PRSS23: variants seen among roughly 807,000 people sequenced by gnomAD.
The protein encoded by PRSS23 is protease, serine 23.
A neutral mutation model predicts 34.7 loss-of-function variants in PRSS23; 25 were observed. The ratio of observed to expected loss-of-function variants is 0.72; its 90% CI spans 0.53 to 1.01. The LOEUF is 1.01. Among genes scored for constraint, PRSS23 ranks in the 50% least tolerant of loss-of-function variants. The pLI is 0.00. For synonymous variants in PRSS23, 176 were observed against 186.6 expected (o/e 0.94, Z 0.46); for missense variants, 445 against 475.6 (o/e 0.94, Z 0.60).
At chr11:86,939,099 C>T (rs2135024107) in intron 2 of PRSS23, 1 of 415,662 alleles carries the variant, frequency 2.4e-6, no homozygotes. Flanking sequence ...AATCATCAAT[C>T]AAGAGAAGAG....
intron 2 of PRSS23, among the ~76,000 whole-genome samples, chr11:86,903,422 C>T (rs1405337860): frequency 6.6e-6 from 1 of 152,068 alleles, no homozygotes; most frequent in South Asian, 2.1e-4. Flanking sequence ...ACAACCCAGC[C>T]CTATACAGTA....
intron 2 of PRSS23, among the ~76,000 whole-genome samples, chr11:86,825,951 C>G (rs1388727633): frequency 6.6e-6 from 1 of 152,150 alleles, no homozygotes; most frequent in Non-Finnish European, 1.5e-5. Flanking sequence ...TTAGGATTGA[C>G]TTGGCAATGC....
exon 3 of PRSS23, chr11:86,952,171 T>C (rs1949299623): frequency 6.2e-7 from 1 of 1,611,946 alleles, no homozygotes; most frequent in Admixed American, 1.7e-5. Flanking sequence ...TCAGGCTCCT[T>C]TTCACCCAGA....
chr11:86,830,555 G>A (rs941030138), intron 2 of PRSS23, among the ~76,000 whole-genome samples: 1 of 152,186 alleles, frequency 6.6e-6, no homozygotes, highest in Admixed American at 6.5e-5. Flanking sequence ...ACCTCAGATG[G>A]AAATGCAGAA....
rs191441975 is a variant in PRSS23 at position 86,827,398 on chromosome 11, G to A, written c.206+3805G>A. Among the ~76,000 whole-genome samples the A allele has an allele frequency of 2.5e-4, 38 of 151,916 alleles. No homozygotes were observed. The East Asian group carries it at 6.8e-3, about 27-fold the overall frequency. ...TTCTTCTCTCTTTTCTTCTTTATTA[G>A]TCTTGCTAGCAGTCTATCAATTTTG... On this transcript the variant is annotated intron_variant, in intron 2 of 2. Coordinates refer to the PRSS23 transcript ENST00000533902.
chr11:86,873,991 T>C (rs1403882952), intron 2 of PRSS23, among the ~76,000 whole-genome samples: 1 of 152,182 alleles, frequency 6.6e-6, no homozygotes, highest in African/African-American at 2.4e-5. Flanking sequence ...GTGCAAGACA[T>C]AGATTAGGGA....
At chr11:86,946,727 A>G (rs551459676) in intron 2 of PRSS23, 1 of 152,762 alleles carries the variant, frequency 6.5e-6, no homozygotes, top group Non-Finnish European at 1.5e-5. Context: ...CCCTGGAGGA[A>G]AAGTGATAAC....
chr11:86,919,600 G>A lies in PRSS23; in HGVS notation c.207-31616G>A, dbSNP rs557319674. 2.6e-5 allele frequency among the ~76,000 whole-genome samples: 4 copies of A among 152,324 alleles called. No homozygotes were observed. The East Asian group carries it at 7.7e-4, about 29-fold the overall frequency. The stretch of plus-strand genomic sequence containing the variant: ...AGAAAGTGGTCCTGCCAGTCTGAAA[G>A]TTAAGAGACTTGGTTTCTCATAATT... On this transcript the variant is annotated intron_variant, in intron 2 of 2. Coordinates refer to the PRSS23 transcript ENST00000533902.
intron 1 of PRSS23, among the ~76,000 whole-genome samples, chr11:86,820,270 A>G (rs909651166): frequency 2.0e-5 from 3 of 152,246 alleles, no homozygotes; most frequent in African/African-American, 2.4e-5. Context: ...GCAAGAGCCT[A>G]TGCAAATACA....
intron 2 of PRSS23, among the ~76,000 whole-genome samples, chr11:86,861,486 C>T (rs957949340): frequency 6.6e-6 from 1 of 151,774 alleles, no homozygotes. Flanking sequence ...GATATAATTC[C>T]CTATATCGCA....
At chr11:86,799,830 G>A (rs1948008622), upstream of PRSS23, among the ~76,000 whole-genome samples, 1 of 152,110 alleles carries the variant, frequency 6.6e-6, no homozygotes, top group African/African-American at 2.4e-5. Flanking sequence ...CCCAGCCACC[G>A]CCGCTCAGAA....
chr11:86,838,899 G>A (rs1948426594), intron 2 of PRSS23, among the ~76,000 whole-genome samples: 1 of 152,166 alleles, frequency 6.6e-6, no homozygotes, highest in Non-Finnish European at 1.5e-5. Flanking sequence ...CTGACTGTTA[G>A]AAGGAAAACT....
At position 86,881,668 on chromosome 11, in the gene PRSS23, G is replaced by A. The variant is rs143419957; in HGVS notation, c.206+58075G>A. 3.9e-4 allele frequency among the ~76,000 whole-genome samples: 59 copies of A among 152,124 alleles called. No homozygotes were observed. The Middle Eastern group carries it at 0.01, about 26-fold the overall frequency. On this transcript the variant is annotated intron_variant, in intron 2 of 2. Transcript: ENST00000533902. ...TTTTTTGAATAATGTGTGAAAAATT[G>A]GTGTTAATTCTTCTTTAAATGTTTG...
intron 2 of PRSS23, among the ~76,000 whole-genome samples, chr11:86,852,231 A>G (rs953479472): frequency 3.9e-5 from 6 of 152,146 alleles, no homozygotes; most frequent in African/African-American, 1.4e-4. Context: ...GAGCCTCCTG[A>G]TAGAGGTGAT....
At chr11:86,866,517 A>G (rs560068743) in intron 2 of PRSS23, among the ~76,000 whole-genome samples, 1 of 152,332 alleles carries the variant, frequency 6.6e-6, no homozygotes, top group Admixed American at 6.5e-5. Context: ...CTATTCATTC[A>G]TGAATCAACT....
chr11:86,925,697 T>G (rs1949076588), intron 2 of PRSS23, among the ~76,000 whole-genome samples: 1 of 152,198 alleles, frequency 6.6e-6, no homozygotes, highest in East Asian at 1.9e-4. Context: ...TTTTCTTTTA[T>G]GGTTGAAAAA....
intron 2 of PRSS23, among the ~76,000 whole-genome samples, chr11:86,939,433 A>AAAAATATAT: frequency 2.1e-5 from 1 of 48,128 alleles, no homozygotes; most frequent in Non-Finnish European, 6.0e-5. Flanking sequence ...TATATTTTTT[A>AAAAATATAT]ACATGAGTAA....
At chr11:86,867,402 C>T (rs189082470) in intron 2 of PRSS23, among the ~76,000 whole-genome samples, 8 of 152,318 alleles carry the variant, frequency 5.3e-5, no homozygotes, top group African/African-American at 7.2e-5. Flanking sequence ...TAGATCAAAC[C>T]CACAGTGTCT....
intron 2 of PRSS23, among the ~76,000 whole-genome samples, chr11:86,867,536 G>T (rs1281560697): frequency 6.6e-6 from 1 of 152,008 alleles, no homozygotes; most frequent in Non-Finnish European, 1.5e-5. Flanking sequence ...TTCTTTCAGG[G>T]GTATAACAAC....
Sources: allele counts gnomAD v4.1 joint callset (sites outside exome capture counted in the v4.1 genomes callset), GRCh38; gene constraint gnomAD v4.1.1; transcripts MANE v1.5; gene names NCBI Gene and HGNC (gene_info 2026-07-23, HGNC 2026-07-21).